PRC1: variants seen among roughly 807,000 people sequenced by gnomAD.
PRC1 encodes the protein anaphase spindle elongation 1 homolog.
A neutral mutation model predicts 91.2 loss-of-function variants in PRC1; 54 were observed. The ratio of observed to expected loss-of-function variants is 0.59; its 90% CI spans 0.48 to 0.74. The LOEUF (loss-of-function observed/expected upper bound fraction) is 0.74, where lower values mean the gene tolerates loss of function less well. Ranked by LOEUF, PRC1 falls within the 30% of genes least tolerant of loss-of-function variation. The pLI is 0.00. For missense variants in PRC1, 727 were observed against 746.2 expected (o/e 0.97, Z 0.30); for synonymous variants, 275 against 263.6 (o/e 1.04, Z -0.42).
Position 90,969,501 on chromosome 15 carries a change from G to C in PRC1, c.1695C>G (p.Pro565=), listed in dbSNP as rs764008669. ...AATTAATGCTGAAGTTGCGCTGGAG[G>C]GGGGCCGAGCCAGGGTACCCACCAC... is the stretch of plus-strand genomic sequence containing the variant. The part of the protein sequence containing the change: ...ILSGGYPGSA[P]LQRNFSINSV... The change falls in exon 13 of 15, where the codon CCC becomes CCG. Residue 565 remains proline (P), a synonymous_variant. Coordinates refer to ENST00000394249, the MANE Select transcript of PRC1 (RefSeq NM_003981.4). The C allele has an allele frequency of 3.1e-5, 50 of 1,612,672 alleles. No individual in the cohort carries two copies. The highest frequency in any genetic ancestry group is 9.4e-5 in the African/African-American group (7 of 74,816).
At chr15:90,981,133 A>G (rs2039163162) in intron 5 of PRC1, 100 bp from the exon 6 acceptor site, 2 of 1,490,906 alleles carry the variant, frequency 1.3e-6, no homozygotes, top group East Asian at 2.3e-5. Context: ...AGGAGGAGGC[A>G]CTTTCATGAG....
At chr15:90,982,015 C>G (rs1336664308) in intron 3 of PRC1, 34 bp from the exon 4 acceptor site, 1 of 1,576,306 alleles carries the variant, frequency 6.3e-7, no homozygotes. Flanking sequence ...TTATAAGATT[C>G]CAAGTGAATT....
chr15:90,973,137 T>C (rs2038313303), intron 11 of PRC1: 1 of 152,294 alleles, frequency 6.6e-6, no homozygotes, highest in African/African-American at 2.4e-5. Flanking sequence ...AGTGTTACTG[T>C]GTCTATGTAG....
At chr15:90,980,511 A>AAT in intron 6 of PRC1, 122 bp from the exon 7 acceptor site, 21 of 811,374 alleles carry the variant, frequency 2.6e-5, no homozygotes, top group Non-Finnish European at 3.5e-5. Context: ...ATAAATCAAC[A>AAT]CTTTTTTTTT....
intron 8 of PRC1, among the ~76,000 whole-genome samples, chr15:90,978,894 T>C (rs111752989): frequency 0.023 from 3,448 of 151,912 alleles, 131 homozygotes; most frequent in African/African-American, 0.08. Flanking sequence ...ACTGTGCAGA[T>C]CTGCCATGCC....
chr15:90,969,871 C>A (rs1030072342), intron 12 of PRC1, among the ~76,000 whole-genome samples: 4 of 149,072 alleles, frequency 2.7e-5, no homozygotes, highest in Non-Finnish European at 4.5e-5. Flanking sequence ...TTGCTTGAGG[C>A]GACATGTTCG....
At chr15:90,972,284 T>C (rs1363724175) in intron 11 of PRC1, among the ~76,000 whole-genome samples, 1 of 147,264 alleles carries the variant, frequency 6.8e-6, no homozygotes, top group Admixed American at 6.8e-5. Flanking sequence ...CATGGGAGGC[T>C]GAGGTTAGAG....
chr15:90,968,950 A>T, intron 14 of PRC1, 129 bp downstream of exon 14: 1 of 1,517,980 alleles, frequency 6.6e-7, no homozygotes, highest in Non-Finnish European at 8.9e-7. Flanking sequence ...TGAGTCCATG[A>T]TAGGAATTCC....
intron 1 of PRC1, among the ~76,000 whole-genome samples, chr15:90,987,153 T>A (rs997358140): frequency 1.3e-5 from 2 of 149,922 alleles, no homozygotes; most frequent in Admixed American, 1.3e-4. Context: ...CGGTGACGTA[T>A]GCCTATAGTC....
At chr15:90,991,461 C>T (rs186456228) in intron 1 of PRC1, among the ~76,000 whole-genome samples, 1 of 151,472 alleles carries the variant, frequency 6.6e-6, no homozygotes, top group African/African-American at 2.4e-5. Context: ...TAATATATAA[C>T]GTATTTTATT....
At chr15:90,989,412 ATTTTTTTTTTTT>A (rs58512103) in intron 1 of PRC1, among the ~76,000 whole-genome samples, 2 of 118,486 alleles carry the variant, frequency 1.7e-5, no homozygotes, top group African/African-American at 3.2e-5. Context: ...TGCTTGGCTA[ATTTTTTTTTTTT>A]TTTTTTTTTT....
intron 1 of PRC1, among the ~76,000 whole-genome samples, chr15:90,985,517 C>T (rs546860746): frequency 7.9e-5 from 12 of 151,146 alleles, no homozygotes; most frequent in African/African-American, 2.7e-4. Flanking sequence ...ATATGTGAGC[C>T]ACTGTGCCTT....
intron 1 of PRC1, among the ~76,000 whole-genome samples, chr15:90,990,970 G>C (rs2039946734): frequency 6.6e-6 from 1 of 150,946 alleles, no homozygotes; most frequent in African/African-American, 2.4e-5. Flanking sequence ...GTAGAGACGG[G>C]GTTTCACCAT....
At chr15:90,993,182 G>A (rs971586192) in intron 1 of PRC1, among the ~76,000 whole-genome samples, 6 of 148,922 alleles carry the variant, frequency 4.0e-5, no homozygotes, top group Admixed American at 2.7e-4. Flanking sequence ...TAGAGGAGAT[G>A]CCTACATAAT....
intron 3 of PRC1, 139 bp downstream of exon 3, chr15:90,983,879 A>T (rs2039387972): frequency 1.7e-6 from 2 of 1,192,570 alleles, no homozygotes; most frequent in African/African-American, 3.0e-5. Flanking sequence ...CTAATTAACT[A>T]CACAGCATGT....
chr15:90,974,873 G>T lies in PRC1; in HGVS notation c.1204-142C>A. On this transcript the variant is annotated intron_variant, in intron 9 of 14. Coordinates refer to ENST00000394249, the MANE Select transcript of PRC1 (RefSeq NM_003981.4). This position sits in a 1 kb window ranked among gnomAD's most constrained non-coding sequence, Gnocchi z 4.6. The stretch of plus-strand genomic sequence containing the variant: ...GGTAGCTGGGCCCACATGGGTACAG[G>T]TCAGAGTGACCAGAAATCAAAGCCC... 1.1e-6 allele frequency: 1 copy of T among 939,492 alleles called. No individual in the cohort carries two copies. Among genetic ancestry groups the T allele is most frequent in the Non-Finnish European group, 1.6e-6 (1 of 613,222 alleles). 58.2% of individuals were successfully genotyped at this position (939,492 alleles called of 1,614,324 possible). A position where few individuals can be genotyped will look rare whatever the true frequency, so the allele number is the denominator to read the frequency against.
At chr15:90,969,230 G>A in intron 13 of PRC1, 110 bp from the exon 14 acceptor site, 2 of 1,299,962 alleles carry the variant, frequency 1.5e-6, no homozygotes, top group African/African-American at 1.5e-5. Flanking sequence ...TTAAGCAGAA[G>A]GATCCAGGTT....
intron 14 of PRC1, 43 bp downstream of exon 14, chr15:90,969,036 A>G (rs1444770284): frequency 5.6e-6 from 9 of 1,613,784 alleles, no homozygotes; most frequent in Non-Finnish European, 7.6e-6. Flanking sequence ...AGCAGATGAC[A>G]GATCAGTTTG....
At chr15:90,968,875 C>A (rs2037786854) in intron 14 of PRC1, 4 of 1,378,332 alleles carry the variant, frequency 2.9e-6, no homozygotes, top group Non-Finnish European at 2.8e-6. Context: ...GGCTGAGAAT[C>A]CAATTCAAGT....
Sources: allele counts gnomAD v4.1 joint callset (sites outside exome capture counted in the v4.1 genomes callset), GRCh38; gene constraint gnomAD v4.1.1; non-coding constraint Gnocchi (gnomAD v3.1); transcripts MANE v1.5; gene names NCBI Gene and HGNC (gene_info 2026-07-23, HGNC 2026-07-21).